The following FABP6 variants were observed in gnomAD, a reference collection of about 807,000 sequenced individuals.
The protein encoded by FABP6 is gastrotropin.
FABP6 carries 13 observed loss-of-function variants against 14.9 expected under a neutral mutation model. The ratio of observed to expected loss-of-function variants is 0.87; its 90% confidence interval spans 0.57 to 1.39. The LOEUF (loss-of-function observed/expected upper bound fraction) is 1.39. Ranked by LOEUF, FABP6 falls within the 40% of genes most tolerant of loss-of-function variation. FABP6 has a pLI of 0.00. For synonymous variants in FABP6, 75 were observed against 63.6 expected, an observed-to-expected ratio of 1.18 and a Z score of -0.85; for missense variants, 161 against 167.2, an observed-to-expected ratio of 0.96 and a Z score of 0.20.
At chr5:160,189,739 A>G (rs1050698094) in intron 1 of FABP6, among the ~76,000 whole-genome samples, 4 of 152,280 alleles carry the variant, frequency 2.6e-5, no homozygotes, top group Non-Finnish European at 4.4e-5. Flanking sequence ...AAATTTTAAG[A>G]TATACTACTG....
intron 1 of FABP6, among the ~76,000 whole-genome samples, chr5:160,193,217 G>A (rs1184896772): frequency 6.6e-6 from 1 of 152,118 alleles, no homozygotes; most frequent in Non-Finnish European, 1.5e-5. Context: ...GCTGGCTCAG[G>A]GGTGAAACTG....
chr5:160,232,507 C>T (rs1370452357), intron 2 of FABP6, among the ~76,000 whole-genome samples: 1 of 152,172 alleles, frequency 6.6e-6, no homozygotes, highest in Non-Finnish European at 1.5e-5. Context: ...AAGCTAGACA[C>T]TTGCTGAATA....
At chr5:160,214,949 T>A (rs1456019375) in intron 3 of FABP6, among the ~76,000 whole-genome samples, 1 of 152,148 alleles carries the variant, frequency 6.6e-6, no homozygotes, top group Non-Finnish European at 1.5e-5. Flanking sequence ...TCCCAGCTTG[T>A]CCCTGGTCAC....
At chr5:160,211,698 C>A (rs1350608793) in intron 2 of FABP6, among the ~76,000 whole-genome samples, 2 of 152,158 alleles carry the variant, frequency 1.3e-5, no homozygotes, top group Admixed American at 6.5e-5. Context: ...GGTGGTGGAG[C>A]TTTTTCATCC....
At chr5:160,206,444 C>T (rs1437085231) in intron 2 of FABP6, among the ~76,000 whole-genome samples, 1 of 151,720 alleles carries the variant, frequency 6.6e-6, no homozygotes, top group African/African-American at 2.4e-5. Flanking sequence ...AACAAAAAAG[C>T]AAAAAAACCC....
At chr5:160,211,116 C>T (rs906690880) in intron 2 of FABP6, among the ~76,000 whole-genome samples, 5 of 152,138 alleles carry the variant, frequency 3.3e-5, no homozygotes, top group East Asian at 1.9e-4. Flanking sequence ...ATGTTGGAGT[C>T]GGACCCTTTT....
At chr5:160,238,582 C>A in intron 3 of FABP6, 24 bp from the exon 4 acceptor site, 1 of 1,612,896 alleles carries the variant, frequency 6.2e-7, no homozygotes, top group Non-Finnish European at 8.5e-7. Context: ...CACTGACTCC[C>A]TCTGTCCCGG....
intron 1 of FABP6, among the ~76,000 whole-genome samples, chr5:160,231,400 G>T (rs1344258487): frequency 6.6e-6 from 1 of 152,118 alleles, no homozygotes; most frequent in Non-Finnish European, 1.5e-5. Context: ...GTCTTTCTCT[G>T]GCAGGGAGGA....
chr5:160,199,261 T>C (rs760561971), intron 2 of FABP6: 13 of 1,162,286 alleles, frequency 1.1e-5, no homozygotes, highest in Non-Finnish European at 1.5e-5. Context: ...CGCCTTTCTC[T>C]GTGATGCTAA....
intron 3 of FABP6, chr5:160,213,893 G>T: frequency 8.2e-7 from 1 of 1,222,788 alleles, no homozygotes; most frequent in Non-Finnish European, 1.2e-6. Flanking sequence ...CATGAACCTA[G>T]ACTTTGTGTC....
intron 3 of FABP6, among the ~76,000 whole-genome samples, chr5:160,219,644 C>G (rs1394292174): frequency 1.3e-5 from 2 of 151,556 alleles, no homozygotes; most frequent in Non-Finnish European, 2.9e-5. Flanking sequence ...CCCACCACTC[C>G]CATCCTGCCT....
intron 2 of FABP6, chr5:160,204,959 G>A (rs1407004612): frequency 6.6e-6 from 1 of 152,090 alleles, no homozygotes; most frequent in Non-Finnish European, 1.5e-5. Flanking sequence ...AGCTAGGGAT[G>A]GTCTGGGGGT....
At chr5:160,193,694 A>C (rs1759449278) in intron 1 of FABP6, among the ~76,000 whole-genome samples, 1 of 152,148 alleles carries the variant, frequency 6.6e-6, no homozygotes, top group Non-Finnish European at 1.5e-5. Flanking sequence ...ACAAACCCTG[A>C]GCTAGACACA....
Position 160,230,221 on chromosome 5 carries a change from T to A in FABP6, c.67+597T>A, listed in dbSNP as rs548121734. ...ACTTTAAAACACACATAGAATATAT[T>A]AGTATTTCCACTTTACTGATGGAAA... On this transcript the variant is annotated intron_variant, in intron 1 of 3. Transcript: ENST00000402432. Among the ~76,000 whole-genome samples the A allele has an allele frequency of 7.2e-5, 11 of 152,144 alleles. No individual in the cohort carries two copies. In the East Asian group the frequency reaches 1.7e-3, roughly 24 times the overall value.
intron 2 of FABP6, among the ~76,000 whole-genome samples, chr5:160,232,765 TG>T (rs1334813241): frequency 6.6e-5 from 10 of 151,762 alleles, no homozygotes; most frequent in Admixed American, 6.6e-4. Context: ...GACATAGTGG[TG>T]CATGCCTGTA....
Position 160,238,641 on chromosome 5 carries a change from GA to G in FABP6, c.370del (p.Ser124AlafsTer23). The G allele has an allele frequency of 6.2e-7, 1 of 1,614,074 alleles. No individual in the cohort carries two copies. The highest frequency in any genetic ancestry group is 8.5e-7 in the Non-Finnish European group (1 of 1,179,954). ...TCGGAGGCGTGACCTATGAGCGCGT[GA>G]GCAAGAGACTGGCCTAAGCAGCCAG... The part of the protein sequence containing the change: ...TIGGVTYERV[S>X]KRLA On this transcript the variant is annotated frameshift_variant, in exon 4 of 4. Transcript: ENST00000402432. LOFTEE classifies it high-confidence loss of function.
At chr5:160,228,514 G>A (rs1028997194), upstream of FABP6, 2 of 456,306 alleles carry the variant, frequency 4.4e-6, no homozygotes, top group Non-Finnish European at 4.4e-6. Context: ...TGATCACGGA[G>A]GAGATAGAGT....
chr5:160,206,460 A>G (rs2113091438), intron 2 of FABP6, among the ~76,000 whole-genome samples: 1 of 152,210 alleles, frequency 6.6e-6, no homozygotes, highest in Non-Finnish European at 1.5e-5. Flanking sequence ...AACCCACATA[A>G]TATTCTACAT....
intron 3 of FABP6, among the ~76,000 whole-genome samples, chr5:160,215,786 G>A (rs1321795151): frequency 3.3e-5 from 5 of 152,088 alleles, no homozygotes; most frequent in African/African-American, 1.2e-4. Flanking sequence ...GAAGGTAAAG[G>A]TTATTTCAAA....
Sources: gnomAD v4.1 joint callset for allele counts (sites outside exome capture counted in the v4.1 genomes callset) on GRCh38, gnomAD v4.1.1 for gene constraint, MANE v1.5 for transcripts, NCBI Gene and HGNC (gene_info 2026-07-23, HGNC 2026-07-21) for gene names.